The following AFAP1 variants were observed in gnomAD, a reference collection of about 807,000 sequenced individuals.
AFAP1 encodes the protein actin filament associated protein 1.
A neutral mutation model predicts 93.9 loss-of-function variants in AFAP1; 75 were observed. That is an observed-to-expected ratio of 0.80 (90% CI 0.66 to 0.97). AFAP1 has a LOEUF of 0.97. Among genes scored for constraint, AFAP1 ranks in the 50% least tolerant of loss-of-function variants. The pLI is 0.00. For missense variants in AFAP1, 1,201 were observed against 1,050.8 expected, an observed-to-expected ratio of 1.14 and a Z score of -1.98; for synonymous variants, 517 against 430.7, an observed-to-expected ratio of 1.20 and a Z score of -2.48.
intron 9 of AFAP1, among the ~76,000 whole-genome samples, chr4:7,801,973 T>G (rs992444038): frequency 6.9e-6 from 1 of 143,902 alleles, no homozygotes; most frequent in Non-Finnish European, 1.5e-5. Flanking sequence ...TCCAAAAGGG[T>G]TTTGGAGGAT....
intron 3 of AFAP1, among the ~76,000 whole-genome samples, chr4:7,864,401 G>A (rs533902741): frequency 5.9e-5 from 9 of 152,160 alleles, no homozygotes; most frequent in East Asian, 1.9e-4. Flanking sequence ...CATCAATAGC[G>A]AAACGGCCAA....
In AFAP1 at chr4:7,809,718, G is replaced by A. The variant is rs1190277813; in HGVS notation, c.950C>T (p.Ser317Leu). Reference protein sequence around the residue: ...SSKSEAKGTVSKVTGKKITKI... With the variant: ...SSKSEAKGTVLKVTGKKITKI... ...GGTGATTTTTTTCCCAGTGACTTTCGACACAGTGCCCTTGGCCTCTGATTT... is the reference window on the plus strand; with the variant it reads ...GGTGATTTTTTTCCCAGTGACTTTCAACACAGTGCCCTTGGCCTCTGATTT... The change falls in exon 9 of 18, where the codon TCG becomes TTG. Residue 317 changes from serine (S) to leucine (L), a missense_variant. Physicochemically the swap from Ser to Leu is moderately radical, Grantham distance 145. Coordinates refer to ENST00000420658, the MANE Select transcript of AFAP1 (RefSeq NM_001134647.2). The A allele has an allele frequency of 3.1e-6, 5 of 1,613,388 alleles. No individual in the cohort carries two copies. The highest frequency in any genetic ancestry group is 1.7e-5 in the Admixed American group (1 of 59,980).
At position 7,762,298 on chromosome 4, in the gene AFAP1, A is replaced by C. The variant is rs1159214602; in HGVS notation, c.*1467T>G. 2 of 152,216 alleles carry C rather than the reference A, an allele frequency of 1.3e-5. No individual in the cohort carries two copies. The highest frequency in any genetic ancestry group is 2.1e-4 in the South Asian group (1 of 4,818). 9.4% of individuals were successfully genotyped at this position (152,216 alleles called of 1,614,324 possible). A position where few individuals can be genotyped will look rare whatever the true frequency, so the allele number is the denominator to read the frequency against. On this transcript the variant is annotated 3_prime_UTR_variant, in exon 18 of 18. Coordinates refer to ENST00000420658, the MANE Select transcript of AFAP1 (RefSeq NM_001134647.2). Reference sequence around the variant, plus strand: ...CCCGCCATCTCTTCCTCTGTGTGAAAAAGGACATTCTGGACAGTGGACAGA... The same window carrying C: ...CCCGCCATCTCTTCCTCTGTGTGAACAAGGACATTCTGGACAGTGGACAGA...
At chr4:7,936,577 C>T (rs1038900540) in intron 1 of AFAP1, among the ~76,000 whole-genome samples, 2 of 142,814 alleles carry the variant, frequency 1.4e-5, no homozygotes, top group South Asian at 2.2e-4. Flanking sequence ...TTTTTACAAG[C>T]GGTAATTTTT....
chr4:7,937,012 C>T (rs1023176985), intron 1 of AFAP1, among the ~76,000 whole-genome samples: 2 of 152,158 alleles, frequency 1.3e-5, no homozygotes, highest in Admixed American at 1.3e-4. Context: ...ACATACTTCA[C>T]ATGACACTTA....
intron 10 of AFAP1, among the ~76,000 whole-genome samples, chr4:7,796,592 T>TA (rs1003873454): frequency 2.9e-4 from 43 of 147,200 alleles, no homozygotes; most frequent in South Asian, 4.3e-4. Flanking sequence ...TACTAAAAAA[T>TA]AAAAAAAAAT....
chr4:7,874,014 G>A (rs1717303034), intron 1 of AFAP1, among the ~76,000 whole-genome samples: 1 of 152,126 alleles, frequency 6.6e-6, no homozygotes, highest in African/African-American at 2.4e-5. Context: ...TCCTAATACT[G>A]GAGGCTTTTC....
Position 7,793,816 on chromosome 4 carries a change from G to A in AFAP1, c.1277C>T (p.Ser426Phe). ...QEVAVLEASS[S>F]EDMGRWIGIL... The stretch of plus-strand genomic sequence containing the variant: ...CCCAATCCACCTGCCCATGTCTTCA[G>A]AAGAAGATGCCTGTTGAAGTGGGAA... Residue 426 changes from serine (S) to phenylalanine (F), a missense_variant, in exon 11 of 18, where the codon TCT becomes TTT. Ser to Phe is a radical substitution (Grantham distance 155). Coordinates refer to ENST00000420658, the MANE Select transcript of AFAP1 (RefSeq NM_001134647.2). 4 of 1,541,002 alleles carry A rather than the reference G, an allele frequency of 2.6e-6. No homozygotes were observed. The highest frequency in any genetic ancestry group is 3.5e-6 in the Non-Finnish European group (4 of 1,128,068).
chr4:7,905,962 C>A (rs571755521), intron 1 of AFAP1, among the ~76,000 whole-genome samples: 1 of 152,330 alleles, frequency 6.6e-6, no homozygotes, highest in Non-Finnish European at 1.5e-5. Flanking sequence ...GCAGGAGACA[C>A]CCCCACGCAC....
intron 9 of AFAP1, among the ~76,000 whole-genome samples, chr4:7,803,003 C>T (rs888209229): frequency 2.6e-5 from 4 of 152,144 alleles, no homozygotes; most frequent in Admixed American, 6.5e-5. Context: ...TCTGAGCACC[C>T]GAGTAACAGC....
chr4:7,855,512 T>C lies in AFAP1; in HGVS notation c.288A>G (p.Glu96=), dbSNP rs576297698. The change falls in exon 4 of 18, where the codon GAA becomes GAG. Residue 96 remains glutamate (E), a synonymous_variant. Transcript: ENST00000420658. Reference sequence around the variant, plus strand: ...CTTTTCCGGGGCTCAGCGGCACAGCTTCCTCATAATAACCTTCTGGGAGGG... The same window carrying C: ...CTTTTCCGGGGCTCAGCGGCACAGCCTCCTCATAATAACCTTCTGGGAGGG... ...TSSLPEGYYE[E]AVPLSPGKAP... 7 of 1,613,814 alleles carry C rather than the reference T, an allele frequency of 4.3e-6. No individual in the cohort carries two copies. The African/African-American group carries it at 9.3e-5, about 22-fold the overall frequency.
At chr4:7,821,556 A>T (rs563310815) in intron 6 of AFAP1, among the ~76,000 whole-genome samples, 2 of 152,346 alleles carry the variant, frequency 1.3e-5, no homozygotes, top group South Asian at 4.1e-4. Flanking sequence ...AGCAAATAAG[A>T]CAGACAAGGT....
At chr4:7,788,448 G>C (rs1227011613) in intron 11 of AFAP1, among the ~76,000 whole-genome samples, 1 of 152,260 alleles carries the variant, frequency 6.6e-6, no homozygotes, top group Non-Finnish European at 1.5e-5. Flanking sequence ...CCATGCTGGG[G>C]AGGGACGCCA....
At chr4:7,774,491 T>G (rs1235049358) in intron 15 of AFAP1, 1 of 503,668 alleles carries the variant, frequency 2.0e-6, no homozygotes, top group African/African-American at 2.0e-5. Context: ...GCACCTCCCC[T>G]GCCTCGGTGA....
chr4:7,798,823 C>T, intron 10 of AFAP1: 2 of 945,708 alleles, frequency 2.1e-6, no homozygotes, highest in Non-Finnish European at 2.5e-6. Context: ...TCCTGACTTC[C>T]ACCCACCCCC....
Position 7,760,342 on chromosome 4 carries a change from G to A in AFAP1, c.*3423C>T, listed in dbSNP as rs762815887. 8 of 152,468 alleles carry A rather than the reference G, an allele frequency of 5.2e-5. No homozygotes were observed. Among genetic ancestry groups the A allele is most frequent in the Admixed American group, 1.3e-4 (2 of 15,312 alleles). 9.4% of individuals were successfully genotyped at this position (152,468 alleles called of 1,614,324 possible). On this transcript the variant is annotated 3_prime_UTR_variant, in exon 18 of 18. Coordinates refer to ENST00000420658, the MANE Select transcript of AFAP1 (RefSeq NM_001134647.2). Reference sequence around the variant, plus strand: ...CGCCAGGGCATAGGCACAGAGGGGCGAGATGGGACTGACCCAGCTGGTAAG... The same window carrying A: ...CGCCAGGGCATAGGCACAGAGGGGCAAGATGGGACTGACCCAGCTGGTAAG...
chr4:7,903,777 A>G (rs1412819763), intron 1 of AFAP1, among the ~76,000 whole-genome samples: 2 of 152,242 alleles, frequency 1.3e-5, no homozygotes, highest in East Asian at 1.9e-4. Flanking sequence ...GTAAGCTGAT[A>G]CTTTCCTTCC....
chr4:7,880,252 T>C (rs940527297), intron 1 of AFAP1, among the ~76,000 whole-genome samples: 8 of 151,026 alleles, frequency 5.3e-5, no homozygotes, highest in African/African-American at 2.0e-4. Context: ...ATTTGAAAGC[T>C]AGGAGGGACC....
Position 7,781,576 on chromosome 4 carries a change from C to A in AFAP1, c.1582G>T (p.Glu528Ter), listed in dbSNP as rs776920058. The change falls in exon 13 of 18, where the codon GAG (glutamate) becomes TAG (stop). Residue 528 changes from glutamate (E) to a stop codon, truncating the protein, a stop_gained. Coordinates refer to ENST00000420658, the MANE Select transcript of AFAP1 (RefSeq NM_001134647.2). LOFTEE classifies it high-confidence loss of function. ...PASCSRGLGEEVLYDNAGLYD... is the reference protein window; with the variant it reads ...PASCSRGLGE ...AGGCCTGCGTTATCATAAAGCACCT[C>A]TTCTCCCAAGCCTCTGCTGCAGGAA... is the stretch of plus-strand genomic sequence containing the variant. 4 of 1,551,840 alleles carry A rather than the reference C, an allele frequency of 2.6e-6. No homozygotes were observed. The highest frequency in any genetic ancestry group is 1.2e-5 in the South Asian group (1 of 84,068).
Sources: gnomAD v4.1 joint callset for allele counts (sites outside exome capture counted in the v4.1 genomes callset) on GRCh38, gnomAD v4.1.1 for gene constraint, MANE v1.5 for transcripts, NCBI Gene and HGNC (gene_info 2026-07-23, HGNC 2026-07-21) for gene names.